Variants in ZNF502 observed in about 807,000 individuals in gnomAD.
ZNF502 encodes zinc finger protein 502.
A neutral mutation model predicts 43.6 loss-of-function variants in ZNF502; 29 were observed. The observed-to-expected ratio is 0.67, with a 90% CI of 0.50 to 0.91. The LOEUF (loss-of-function observed/expected upper bound fraction) is 0.91, where lower values mean the gene tolerates loss of function less well. Among genes scored for constraint, ZNF502 ranks in the 40% least tolerant of loss-of-function variants. The pLI, the probability that ZNF502 is intolerant of heterozygous loss-of-function variation, is 0.00. For missense variants in ZNF502, 591 were observed against 647.2 expected (o/e 0.91, Z 0.94); for synonymous variants, 171 against 207.4 (o/e 0.82, Z 1.51).
intron 1 of ZNF502, among the ~76,000 whole-genome samples, chr3:44,713,671 C>G (rs2125861898): frequency 6.6e-6 from 1 of 152,074 alleles, no homozygotes; most frequent in South Asian, 2.1e-4. Context: ...ACCTCTGCCT[C>G]CCGGGTTCAA....
At chr3:44,719,012 C>T (rs539691415) in intron 1 of ZNF502, among the ~76,000 whole-genome samples, 2 of 148,622 alleles carry the variant, frequency 1.3e-5, no homozygotes, top group East Asian at 2.0e-4. Context: ...CTTGCTCTGT[C>T]GCCCAGGCTG....
chr3:44,721,781 C>A lies in ZNF502; in HGVS notation c.964C>A (p.Pro322Thr), dbSNP rs140014648. ...QHQRIHTGEK[P>T]HKCDECGKTF... ...TCAGAGAATTCACACTGGGGAAAAACCCCATAAATGTGACGAATGTGGGAA... is the reference window on the plus strand; with the variant it reads ...TCAGAGAATTCACACTGGGGAAAAAACCCATAAATGTGACGAATGTGGGAA... The change falls in exon 3 of 3, where the codon CCC (proline) becomes ACC (threonine). Residue 322 changes from proline (P) to threonine (T), a missense_variant. Coordinates refer to ENST00000436624, the MANE Select transcript of ZNF502 (RefSeq NM_001134442.3). The A allele has an allele frequency of 7.5e-5, 121 of 1,613,934 alleles. No individual in the cohort carries two copies. The African/African-American group carries it at 1.5e-3, about 20-fold the overall frequency.
At position 44,721,465 on chromosome 3, in the gene ZNF502, T is replaced by C. The variant is rs1704332865; in HGVS notation, c.648T>C (p.Cys216=). ...TGAAACCATATGGATGTGAGCAGTGTGGGAAAACATTTCGATGTCGATCAT... is the reference window on the plus strand; with the variant it reads ...TGAAACCATATGGATGTGAGCAGTGCGGGAAAACATTTCGATGTCGATCAT... ...TGVKPYGCEQ[C]GKTFRCRSFL... The change falls in exon 3 of 3, where the codon TGT becomes TGC. Residue 216 remains cysteine (C), a synonymous_variant. Transcript: ENST00000436624. The C allele has an allele frequency of 1.2e-6, 2 of 1,614,058 alleles. No homozygotes were observed. Among genetic ancestry groups the C allele is most frequent in the Non-Finnish European group, 1.7e-6 (2 of 1,180,016 alleles).
At position 44,720,744 on chromosome 3, in the gene ZNF502, C is replaced by T. The variant is rs911765412; in HGVS notation, c.56-129C>T. 7.8e-6 allele frequency: 8 copies of T among 1,021,368 alleles called. No homozygotes were observed. The Admixed American group carries it at 2.0e-4, about 26-fold the overall frequency. The allele number at this position is 1,021,368 out of a possible 1,614,324, so 63.3% of individuals were successfully genotyped here. A position where few individuals can be genotyped will look rare whatever the true frequency, so the allele number is the denominator to read the frequency against. ...ACCAGTTACAACTCTAACTTACTTGCCACACTTGCTGTTACTGGCCCTTCA... is the reference window on the plus strand; with the variant it reads ...ACCAGTTACAACTCTAACTTACTTGTCACACTTGCTGTTACTGGCCCTTCA... On this transcript the variant is annotated intron_variant, in intron 2 of 2. Transcript: ENST00000436624.
In ZNF502 at chr3:44,722,364, A is replaced by T. The variant is rs1704382243; in HGVS notation, c.1547A>T (p.Glu516Val). 1 of 1,614,142 alleles carries T rather than the reference A, an allele frequency of 6.2e-7. No individual in the cohort carries two copies. Among genetic ancestry groups the T allele is most frequent in the Non-Finnish European group, 8.5e-7 (1 of 1,180,052 alleles). Reference sequence around the variant, plus strand: ...GAACATTACAGAATTCACACTGGTGAGAAGCCTTATGAGTGTATTGAGTGT... The same window carrying T: ...GAACATTACAGAATTCACACTGGTGTGAAGCCTTATGAGTGTATTGAGTGT... ...LSEHYRIHTG[E>V]KPYECIECGK... Residue 516 changes from glutamate (E) to valine (V), a missense_variant, in exon 3 of 3, where the codon GAG becomes GTG. By Grantham distance (121) the Glu-to-Val change is moderately radical. Coordinates refer to ENST00000436624, the MANE Select transcript of ZNF502 (RefSeq NM_001134442.3).
At chr3:44,713,644 G>C (rs758962268) in intron 1 of ZNF502, among the ~76,000 whole-genome samples, 22 of 151,778 alleles carry the variant, frequency 1.4e-4, no homozygotes, top group Non-Finnish European at 2.1e-4. Flanking sequence ...GCAACGGGGT[G>C]ATCTGGGCTC....
rs767913666 is a variant in ZNF502, at chr3:44,721,062, G to T, written c.245G>T (p.Gly82Val). The change falls in exon 3 of 3, where the codon GGT becomes GTT. Residue 82 changes from glycine to valine, a missense_variant. Gly to Val is a moderately radical substitution (Grantham distance 109). Coordinates refer to ENST00000436624, the MANE Select transcript of ZNF502 (RefSeq NM_001134442.3). The stretch of plus-strand genomic sequence containing the variant: ...GAATCATGCCTTTTCCAGGAAGGAG[G>T]TTTTGGGAGAATAACTTTCATCCAC... ...IAESCLFQEGGFGRITFIHKE... is the reference protein window; with the variant it reads ...IAESCLFQEGVFGRITFIHKE... The T allele has an allele frequency of 1.9e-6, 3 of 1,614,108 alleles. No individual in the cohort carries two copies.
intron 1 of ZNF502, among the ~76,000 whole-genome samples, chr3:44,718,770 G>A (rs1704216580): frequency 6.6e-6 from 1 of 152,062 alleles, no homozygotes. Context: ...TTCATTTAAT[G>A]TCTTTGTCCA....
At position 44,721,890 on chromosome 3, in the gene ZNF502, A is replaced by C. The variant is rs772254104; in HGVS notation, c.1073A>C (p.Lys358Thr). The change falls in exon 3 of 3, where the codon AAA becomes ACA. Residue 358 changes from lysine to threonine, a missense_variant. Lys to Thr is a moderately conservative substitution (Grantham distance 78). Coordinates refer to ENST00000436624, the MANE Select transcript of ZNF502 (RefSeq NM_001134442.3). ...CCCTATAAATGTAAAGAATGTGGCAAAGCCTTTTGTCAGAGCCCATCTCTT... is the reference window on the plus strand; with the variant it reads ...CCCTATAAATGTAAAGAATGTGGCACAGCCTTTTGTCAGAGCCCATCTCTT... ...EKPYKCKECG[K>T]AFCQSPSLIK... is the part of the protein sequence containing the mutation. The C allele has an allele frequency of 1.9e-6, 3 of 1,614,050 alleles. No homozygotes were observed. Among genetic ancestry groups the C allele is most frequent in the Non-Finnish European group, 2.5e-6 (3 of 1,179,938 alleles).
chr3:44,713,373 CA>C (rs1474559751), intron 1 of ZNF502, among the ~76,000 whole-genome samples: 1 of 152,160 alleles, frequency 6.6e-6, no homozygotes, highest in Non-Finnish European at 1.5e-5. Flanking sequence ...GGCTAGGCTA[CA>C]AAAGAGTGAC....
At position 44,721,255 on chromosome 3, in the gene ZNF502, A is replaced by G. The variant is rs948384650; in HGVS notation, c.438A>G (p.Pro146=). 3 of 1,614,064 alleles carry G rather than the reference A, an allele frequency of 1.9e-6. No individual in the cohort carries two copies. In the African/African-American group the frequency reaches 4.0e-5, roughly 22 times the overall value. Residue 146 remains proline (P), a synonymous_variant, in exon 3 of 3, where the codon CCA becomes CCG. Coordinates refer to ENST00000436624, the MANE Select transcript of ZNF502 (RefSeq NM_001134442.3). The stretch of plus-strand genomic sequence containing the variant: ...ATATTTCAGACCAAAGTAAATGTCC[A>G]ACTCTCTGCACACAGAAAAAATCTT... ...TNDISDQSKC[P]TLCTQKKSWK...
chr3:44,713,860 G>A (rs1469567040), intron 1 of ZNF502, among the ~76,000 whole-genome samples: 3 of 152,326 alleles, frequency 2.0e-5, no homozygotes, highest in South Asian at 2.1e-4. Flanking sequence ...GATTATAGGC[G>A]TGAAACACCG....
intron 1 of ZNF502, among the ~76,000 whole-genome samples, chr3:44,716,246 G>A (rs1221703237): frequency 6.6e-6 from 1 of 150,436 alleles, no homozygotes; most frequent in Non-Finnish European, 1.5e-5. Flanking sequence ...GGAGTGCAGT[G>A]GCGTGATCTC....
intron 1 of ZNF502, among the ~76,000 whole-genome samples, chr3:44,719,806 C>T (rs1489375408): frequency 2.0e-5 from 3 of 152,174 alleles, no homozygotes; most frequent in Non-Finnish European, 4.4e-5. Context: ...GCTATGAGGA[C>T]ATTTTGCTAT....
intron 1 of ZNF502, among the ~76,000 whole-genome samples, chr3:44,716,693 C>T (rs1704155464): frequency 6.6e-6 from 1 of 152,204 alleles, no homozygotes; most frequent in Non-Finnish European, 1.5e-5. Context: ...TACATTCGCA[C>T]CGGTATGTGA....
At chr3:44,720,817 CA>C in intron 2 of ZNF502, 55 bp from the exon 3 acceptor site, 1 of 1,532,622 alleles carries the variant, frequency 6.5e-7, no homozygotes, top group Non-Finnish European at 8.7e-7. Flanking sequence ...CTTACAGTTT[CA>C]GGGGCCTTCA....
At position 44,722,481 on chromosome 3, in the gene ZNF502, C is replaced by T. The variant is rs201204973; in HGVS notation, c.*29C>T. 42 of 1,578,232 alleles carry T rather than the reference C, an allele frequency of 2.7e-5. No individual in the cohort carries two copies. Among genetic ancestry groups the T allele is most frequent in the Non-Finnish European group, 3.6e-5 (42 of 1,165,440 alleles). On this transcript the variant is annotated 3_prime_UTR_variant, in exon 3 of 3. Coordinates refer to ENST00000436624, the MANE Select transcript of ZNF502 (RefSeq NM_001134442.3). ...TGCCATTTAGGTTATGACAGTTTCT[C>T]TAGCGAGGATGACTACGAATCTGAC...
At position 44,722,966 on chromosome 3, in the gene ZNF502, CAAGT is replaced by C. The variant is rs1204096673; in HGVS notation, c.*518_*521del. ...TGGTCCTGTGAAAAGGAGACAGAAA[CAAGT>C]AAGAGCCAAAAAAAAAAAAAAAAAA... On this transcript the variant is annotated 3_prime_UTR_variant, in exon 3 of 3. Transcript: ENST00000436624. The C allele has an allele frequency of 6.8e-4, 31 of 45,704 alleles. No individual in the cohort carries two copies. Among genetic ancestry groups the C allele is most frequent in the South Asian group, 2.0e-3 (3 of 1,496 alleles). 2.8% of individuals were successfully genotyped at this position (45,704 alleles called of 1,614,324 possible).
chr3:44,712,918 A>G (rs1363169500), intron 1 of ZNF502, among the ~76,000 whole-genome samples, 178 bp downstream of exon 1: 1 of 152,232 alleles, frequency 6.6e-6, no homozygotes, highest in South Asian at 2.1e-4. Context: ...CCCAGCCTGC[A>G]GCCTCAGCAC....
Sources: allele counts gnomAD v4.1 joint callset (sites outside exome capture counted in the v4.1 genomes callset), GRCh38; gene constraint gnomAD v4.1.1; transcripts MANE v1.5; gene names NCBI Gene and HGNC (gene_info 2026-07-23, HGNC 2026-07-21).